Variants in STRADA observed in about 807,000 individuals in gnomAD.
The protein encoded by STRADA is STE20 related adaptor alpha.
Under a neutral mutation model 55.0 loss-of-function variants are expected in STRADA, and 26 were observed. That is an observed-to-expected ratio of 0.47 (90% confidence interval 0.35 to 0.66). The LOEUF (loss-of-function observed/expected upper bound fraction) is 0.66. Ranked by LOEUF, STRADA falls within the 30% of genes least tolerant of loss-of-function variation. The probability of loss-of-function intolerance (pLI) is 0.01; values close to 1 mark genes in which losing one functional copy is unlikely to be tolerated. For synonymous variants in STRADA, 197 were observed against 210.9 expected (o/e 0.93, Z 0.57); for missense variants, 443 against 549.7 (o/e 0.81, Z 1.94).
intron 1 of STRADA, among the ~76,000 whole-genome samples, chr17:63,740,699 G>C (rs2038878809): frequency 6.6e-6 from 1 of 152,142 alleles, no homozygotes; most frequent in African/African-American, 2.4e-5. Flanking sequence ...ACACAGATAA[G>C]TGGTAGGGGA....
In STRADA at chr17:63,707,400, G is replaced by A. The variant is rs746522426; in HGVS notation, c.600C>T (p.His200=). The A allele has an allele frequency of 2.5e-6, 4 of 1,614,014 alleles. No individual in the cohort carries two copies. Among genetic ancestry groups the A allele is most frequent in the Non-Finnish European group, 3.4e-6 (4 of 1,179,880 alleles). ...GYVHRSVKAS[H]ILISVDGKVY... ...CCTTCCCATCCACAGAGATCAGGAT[G>A]TGGCTGGCTTTGACACTCCTGGGGA... Residue 200 remains histidine (H), a synonymous_variant, in exon 9 of 13, where the codon CAC becomes CAT. Coordinates refer to ENST00000336174, the MANE Select transcript of STRADA (RefSeq NM_001003787.4).
At chr17:63,710,671 C>T in intron 7 of STRADA, 57 bp from the exon 8 acceptor site, 2 of 1,613,926 alleles carry the variant, frequency 1.2e-6, no homozygotes, top group Non-Finnish European at 1.7e-6. Flanking sequence ...AAAACACAGG[C>T]AATCTGACAA....
chr17:63,719,357 C>T (rs2037127340), intron 4 of STRADA, among the ~76,000 whole-genome samples: 1 of 152,184 alleles, frequency 6.6e-6, no homozygotes, highest in African/African-American at 2.4e-5. Flanking sequence ...CATCTGCTCT[C>T]TAAGCAAACT....
intron 4 of STRADA, among the ~76,000 whole-genome samples, chr17:63,718,142 C>T (rs555127407): frequency 6.6e-6 from 1 of 152,188 alleles, no homozygotes; most frequent in South Asian, 2.1e-4. Flanking sequence ...AGGCTGGTCT[C>T]AAACTCCTGG....
intron 4 of STRADA, chr17:63,714,649 G>A (rs2036732396): frequency 5.3e-6 from 1 of 188,734 alleles, no homozygotes; most frequent in African/African-American, 2.4e-5. Context: ...CAAGTGAAGT[G>A]GGAGAACCCT....
At chr17:63,710,459 G>C in intron 8 of STRADA, 32 bp downstream of exon 8, 1 of 1,612,312 alleles carries the variant, frequency 6.2e-7, no homozygotes, top group Non-Finnish European at 8.5e-7. Context: ...GCTACCCACT[G>C]TAATCATGGG....
intron 6 of STRADA, among the ~76,000 whole-genome samples, chr17:63,712,065 G>C (rs534660069): frequency 1.3e-5 from 2 of 152,140 alleles, no homozygotes; most frequent in East Asian, 1.9e-4. Context: ...AGCACCATCA[G>C]GTAACCACCA....
At chr17:63,731,756 T>C (rs916302686) in intron 1 of STRADA, among the ~76,000 whole-genome samples, 2 of 152,186 alleles carry the variant, frequency 1.3e-5, no homozygotes, top group Middle Eastern at 3.2e-3. Flanking sequence ...TAGTCTACAA[T>C]AGAAAGAGAA....
chr17:63,703,980 A>G, intron 12 of STRADA, 25 bp downstream of exon 12: 1 of 1,613,802 alleles, frequency 6.2e-7, no homozygotes, highest in Non-Finnish European at 8.5e-7. Context: ...CTAGAACCAG[A>G]ACCAGAACGA....
chr17:63,732,533 T>C (rs1032048548), intron 1 of STRADA, among the ~76,000 whole-genome samples: 4 of 151,452 alleles, frequency 2.6e-5, no homozygotes, highest in African/African-American at 9.7e-5. Flanking sequence ...TGGTGGTTCA[T>C]GTCTGTAGTC....
At chr17:63,710,145 C>T (rs1791251343) in intron 8 of STRADA, among the ~76,000 whole-genome samples, 1 of 151,532 alleles carries the variant, frequency 6.6e-6, no homozygotes, top group Admixed American at 6.6e-5. Flanking sequence ...AGCGATTCTC[C>T]TGCCTCAGCT....
chr17:63,733,014 A>T (rs748342043), intron 1 of STRADA, among the ~76,000 whole-genome samples: 20 of 152,142 alleles, frequency 1.3e-4, no homozygotes, highest in Admixed American at 3.9e-4. Context: ...CGGCCTCCCA[A>T]GTAGCTGGGA....
chr17:63,710,360 TC>T (rs1828724890), intron 8 of STRADA, 130 bp downstream of exon 8: 5 of 1,457,386 alleles, frequency 3.4e-6, no homozygotes, highest in Non-Finnish European at 4.6e-6. Context: ...AGCAAAGAGA[TC>T]TTCAGCAAGA....
intron 1 of STRADA, among the ~76,000 whole-genome samples, chr17:63,740,105 T>TATATATATATATATATATAC (rs1354662253): frequency 5.3e-5 from 3 of 56,660 alleles, no homozygotes; most frequent in South Asian, 1.3e-3. Context: ...TATATATATA[T>TATATATATATATATATATAC]ATACATACAT....
At chr17:63,733,012 C>G (rs1193463478) in intron 1 of STRADA, among the ~76,000 whole-genome samples, 1 of 152,166 alleles carries the variant, frequency 6.6e-6, no homozygotes, top group African/African-American at 2.4e-5. Context: ...CTCGGCCTCC[C>G]AAGTAGCTGG....
chr17:63,718,297 G>A (rs368241552), intron 4 of STRADA, among the ~76,000 whole-genome samples: 3 of 152,118 alleles, frequency 2.0e-5, no homozygotes, highest in African/African-American at 7.2e-5. Context: ...CACATGCCAG[G>A]TACCTCACCA....
At position 63,703,688 on chromosome 17, in the gene STRADA, A is replaced by G. The variant is rs2035864014; in HGVS notation, c.1207T>C (p.Phe403Leu). The change falls in exon 13 of 13, where the codon TTT (phenylalanine) becomes CTT (leucine). Residue 403 changes from phenylalanine (F) to leucine (L), a missense_variant. Physicochemically the swap from Phe to Leu is conservative, Grantham distance 22 (BLOSUM62 0). Transcript: ENST00000336174. ...TGGTCCTGAGACTGGCTGCCCTCAA[A>G]ATTGGTGATGGGGGTGACAGGACGA... ...LLRPVTPITN[F>L]EGSQSQDHSG... 6.2e-7 allele frequency: 1 copy of G among 1,613,946 alleles called. No individual in the cohort carries two copies. Among genetic ancestry groups the G allele is most frequent in the Non-Finnish European group, 8.5e-7 (1 of 1,179,998 alleles).
intron 1 of STRADA, among the ~76,000 whole-genome samples, chr17:63,740,153 C>CAGATATATAT (rs1463725651): frequency 3.5e-5 from 3 of 86,290 alleles, no homozygotes; most frequent in Admixed American, 1.2e-4. Flanking sequence ...TATATACACA[C>CAGATATATAT]ACACACACAC....
At chr17:63,723,005 T>G (rs566974945) in intron 4 of STRADA, among the ~76,000 whole-genome samples, 2 of 152,276 alleles carry the variant, frequency 1.3e-5, no homozygotes, top group East Asian at 3.9e-4. Context: ...TGTTGAAACT[T>G]ACTTTTTTGG....
Sources: gnomAD v4.1 joint callset for allele counts (sites outside exome capture counted in the v4.1 genomes callset) on GRCh38, gnomAD v4.1.1 for gene constraint, MANE v1.5 for transcripts, NCBI Gene and HGNC (gene_info 2026-07-23, HGNC 2026-07-21) for gene names.